Variants in CNDP2 observed in about 807,000 individuals in gnomAD.
CNDP2 encodes the protein carnosine dipeptidase 2.
CNDP2 carries 38 observed loss-of-function variants against 55.0 expected under a neutral mutation model. The observed-to-expected ratio is 0.69, with a 90% CI of 0.53 to 0.90. The LOEUF is 0.90. Ranked by LOEUF, CNDP2 falls within the 40% of genes least tolerant of loss-of-function variation. CNDP2 has a pLI of 0.00. For synonymous variants in CNDP2, 241 were observed against 260.2 expected (o/e 0.93, Z 0.71); for missense variants, 607 against 621.7 (o/e 0.98, Z 0.25).
intron 3 of CNDP2, 49 bp from the exon 4 acceptor site, chr18:74,505,800 A>G (rs565382727): frequency 2.5e-6 from 4 of 1,608,170 alleles, no homozygotes; most frequent in African/African-American, 1.3e-5. Flanking sequence ...TTAAGCACTG[A>G]ATTTCTTAAA....
chr18:74,502,685 C>A (rs1347624350), intron 3 of CNDP2, among the ~76,000 whole-genome samples: 1 of 152,056 alleles, frequency 6.6e-6, no homozygotes, highest in Non-Finnish European at 1.5e-5. Context: ...TTGTAATATT[C>A]TTTTATATTC....
chr18:74,512,076 C>T lies in CNDP2; in HGVS notation c.658-372C>T, dbSNP rs535092399. On this transcript the variant is annotated intron_variant, in intron 6 of 11. Coordinates refer to ENST00000324262, the MANE Select transcript of CNDP2 (RefSeq NM_018235.3). ...CTCAGTGCAAGGGCGAGGTCCGACC[C>T]CAGGTCTCCAGCTCCAGGCTTGTGG... is the stretch of plus-strand genomic sequence containing the variant. 9.3e-4 allele frequency: 182 copies of T among 196,514 alleles called. 2 individuals are homozygous for T. In the South Asian group the frequency reaches 0.017, roughly 18 times the overall value. The allele number at this position is 196,514 out of a possible 1,614,324, so 12.2% of individuals were successfully genotyped here.
chr18:74,516,247 G>A lies in CNDP2; in HGVS notation c.923G>A (p.Arg308Gln), dbSNP rs1351554282. Residue 308 changes from arginine (R) to glutamine (Q), a missense_variant, in exon 9 of 12, where the codon CGA (arginine) becomes CAA (glutamine). By Grantham distance (43) the Arg-to-Gln change is conservative. Coordinates refer to ENST00000324262, the MANE Select transcript of CNDP2 (RefSeq NM_018235.3). ...CTGCAGAAAGACATCCTCATGCACC[G>A]ATGGCGGTACCCGTCTCTGTCCCTC... ...HSHKKDILMH[R>Q]WRYPSLSLHG... is the part of the protein sequence containing the mutation. The A allele has an allele frequency of 3.1e-6, 5 of 1,613,486 alleles. No individual in the cohort carries two copies. The South Asian group carries it at 3.3e-5, about 11-fold the overall frequency.
At chr18:74,510,514 G>T (rs971383388) in intron 5 of CNDP2, among the ~76,000 whole-genome samples, 3 of 152,206 alleles carry the variant, frequency 2.0e-5, no homozygotes, top group Admixed American at 1.3e-4. Context: ...GACTCACGTG[G>T]TGTTCCTCGT....
chr18:74,501,113 A>T lies in CNDP2; in HGVS notation c.61-216A>T, dbSNP rs939564376. ...TTGTTTTTAAACAGGTACTGAGTGT[A>T]AAACAATATGAGAGGGTCTCTCTCT... On this transcript the variant is annotated intron_variant, in intron 2 of 11. Coordinates refer to ENST00000324262, the MANE Select transcript of CNDP2 (RefSeq NM_018235.3). The T allele has an allele frequency of 3.7e-6, 4 of 1,083,248 alleles. No individual in the cohort carries two copies. The African/African-American group carries it at 6.5e-5, about 18-fold the overall frequency. The allele number at this position is 1,083,248 out of a possible 1,614,324, so 67.1% of individuals were successfully genotyped here.
chr18:74,521,134 C>T lies in CNDP2; in HGVS notation c.*1066C>T, dbSNP rs1299691286. 2 of 152,182 alleles carry T rather than the reference C, an allele frequency of 1.3e-5. No homozygotes were observed. The highest frequency in any genetic ancestry group is 1.9e-4 in the East Asian group (1 of 5,186). The allele number at this position is 152,182 out of a possible 1,614,324, so 9.4% of individuals were successfully genotyped here. A position where few individuals can be genotyped will look rare whatever the true frequency, so the allele number is the denominator to read the frequency against. On this transcript the variant is annotated 3_prime_UTR_variant, in exon 12 of 12. Coordinates refer to ENST00000324262, the MANE Select transcript of CNDP2 (RefSeq NM_018235.3). ...ACATGACACCTCTAAAAGAATCGCT[C>T]CATCTCAGTTGCTCGTCGCGTGCAC...
rs57980674 is a variant in CNDP2 at position 74,504,194 on chromosome 18, A to G, written c.205-1655A>G. 4.7e-3 allele frequency among the ~76,000 whole-genome samples: 455 copies of G among 97,814 alleles called. 1 individual carries two copies. The highest frequency in any genetic ancestry group is 6.8e-3 in the Middle Eastern group (1 of 146). 64.2% of individuals were successfully genotyped at this position (97,814 alleles called of 152,430 possible). ...ACACTGCACACGCAGCCACACTGCC[A>G]CTGGGACAAATGAGGGGCGTCAGGC... On this transcript the variant is annotated intron_variant, in intron 3 of 11. Coordinates refer to ENST00000324262, the MANE Select transcript of CNDP2 (RefSeq NM_018235.3).
At chr18:74,497,753 C>T (rs1978488319) in intron 1 of CNDP2, 2 of 152,122 alleles carry the variant, frequency 1.3e-5, no homozygotes, top group Admixed American at 1.3e-4. Flanking sequence ...GCAATGCACT[C>T]CTGCCTGGGT....
chr18:74,515,476 G>A (rs1355485756), intron 8 of CNDP2, among the ~76,000 whole-genome samples: 1 of 152,164 alleles, frequency 6.6e-6, no homozygotes, highest in Non-Finnish European at 1.5e-5. Context: ...TGTGTACAGT[G>A]TTTTAGGGCC....
rs188022830 is a variant in CNDP2 at position 74,505,004 on chromosome 18, G to A, written c.205-845G>A. ...GCCTGTCCCATTCTCCATTCCTATGGGATTGTGGAATATTGGTAGTGCTTC... is the reference window on the plus strand; with the variant it reads ...GCCTGTCCCATTCTCCATTCCTATGAGATTGTGGAATATTGGTAGTGCTTC... On this transcript the variant is annotated intron_variant, in intron 3 of 11. Transcript: ENST00000324262. 13 of 152,262 alleles carry A rather than the reference G, an allele frequency of 8.5e-5. No homozygotes were observed. The East Asian group carries it at 2.5e-3, about 29-fold the overall frequency. 9.4% of individuals were successfully genotyped at this position (152,262 alleles called of 1,614,324 possible). A position where few individuals can be genotyped will look rare whatever the true frequency, so the allele number is the denominator to read the frequency against.
At chr18:74,511,184 G>A (rs1381094966) in intron 6 of CNDP2, 171 bp downstream of exon 6, 2 of 602,720 alleles carry the variant, frequency 3.3e-6, no homozygotes, top group East Asian at 2.8e-5. Flanking sequence ...ACACCAGGGT[G>A]GACAGCAACA....
In CNDP2 at chr18:74,518,534, A is replaced by G. The variant is rs1174543046; in HGVS notation, c.1104A>G (p.Leu368=). Residue 368 remains leucine (L), a synonymous_variant, in exon 10 of 12, where the codon CTA becomes CTG. Transcript: ENST00000324262. ...ACCTAACTAAGAAGTTTGCTGAACT[A>G]CGCAGCCCCAATGAGTTCAAGGTGT... The part of the protein sequence containing the change: ...TSYLTKKFAE[L]RSPNEFKVYM... 5 of 1,614,092 alleles carry G rather than the reference A, an allele frequency of 3.1e-6. No individual in the cohort carries two copies. Among genetic ancestry groups the G allele is most frequent in the Admixed American group, 3.3e-5 (2 of 60,004 alleles).
chr18:74,520,216 C>G lies in CNDP2; in HGVS notation c.*148C>G. The G allele has an allele frequency of 4.2e-6, 3 of 719,970 alleles. No individual in the cohort carries two copies. Among genetic ancestry groups the G allele is most frequent in the Non-Finnish European group, 4.7e-6 (2 of 429,604 alleles). The allele number at this position is 719,970 out of a possible 1,614,324, so 44.6% of individuals were successfully genotyped here. A position where few individuals can be genotyped will look rare whatever the true frequency, so the allele number is the denominator to read the frequency against. Reference sequence around the variant, plus strand: ...CTTTAGAGAACAGACACAAGTGTATCCAGCTGTCCACGGGTGGAGCTACCC... The same window carrying G: ...CTTTAGAGAACAGACACAAGTGTATGCAGCTGTCCACGGGTGGAGCTACCC... On this transcript the variant is annotated 3_prime_UTR_variant, in exon 12 of 12. Coordinates refer to ENST00000324262, the MANE Select transcript of CNDP2 (RefSeq NM_018235.3).
At chr18:74,508,077 G>A (rs1387474882) in intron 4 of CNDP2, 2 of 152,324 alleles carry the variant, frequency 1.3e-5, no homozygotes, top group Admixed American at 6.5e-5. Context: ...AGCAGGCTGA[G>A]CCCCGGGAGG....
intron 3 of CNDP2, among the ~76,000 whole-genome samples, chr18:74,503,811 G>C (rs12956216): frequency 8.7e-3 from 862 of 98,928 alleles, no homozygotes; most frequent in Middle Eastern, 0.036. Flanking sequence ...CGCAGCCACA[G>C]TGCCGCTGGG....
In CNDP2 at chr18:74,510,925, A is replaced by G. The variant is rs374633647; in HGVS notation, c.569A>G (p.Tyr190Cys). ...GACACATTCTTTAAGGATGTGGACT[A>G]TGTCTGCATTTCTGACAATTACTGG... ...RKDTFFKDVD[Y>C]VCISDNYWLG... Residue 190 changes from tyrosine (Y) to cysteine (C), a missense_variant, in exon 6 of 12, where the codon TAT becomes TGT. By Grantham distance (194) the Tyr-to-Cys change is radical. Coordinates refer to ENST00000324262, the MANE Select transcript of CNDP2 (RefSeq NM_018235.3). The G allele has an allele frequency of 9.5e-5, 153 of 1,614,046 alleles. No homozygotes were observed. Among genetic ancestry groups the G allele is most frequent in the East Asian group, 2.0e-4 (9 of 44,892 alleles).
At chr18:74,500,116 A>G (rs1327422738) in intron 2 of CNDP2, 83 bp downstream of exon 2, 2 of 1,132,410 alleles carry the variant, frequency 1.8e-6, no homozygotes, top group Non-Finnish European at 2.6e-6. Context: ...GCTAATATGA[A>G]TTATGCCATT....
Position 74,518,414 on chromosome 18 carries a change from A to G in CNDP2, c.1069-85A>G, listed in dbSNP as rs1276534117. ...CCGATTGTAAGCTCGCTGTAGACCC[A>G]TGATAGCAGACCCGTAGGTCACTAG... On this transcript the variant is annotated intron_variant, in intron 9 of 11. Transcript: ENST00000324262. 3.3e-5 allele frequency: 50 copies of G among 1,532,962 alleles called. No individual in the cohort carries two copies. The South Asian group carries it at 4.8e-4, about 15-fold the overall frequency. 95.0% of individuals were successfully genotyped at this position (1,532,962 alleles called of 1,614,324 possible). A position where few individuals can be genotyped will look rare whatever the true frequency, so the allele number is the denominator to read the frequency against.
At chr18:74,505,598 CAAAAAAA>C (rs369659489) in intron 3 of CNDP2, among the ~76,000 whole-genome samples, 11 of 123,188 alleles carry the variant, frequency 8.9e-5, no homozygotes, top group Non-Finnish European at 1.9e-4. Context: ...GATTCTGTCT[CAAAAAAA>C]AAAAAAAAAA....
Sources: allele counts gnomAD v4.1 joint callset (sites outside exome capture counted in the v4.1 genomes callset), GRCh38; gene constraint gnomAD v4.1.1; transcripts MANE v1.5; gene names NCBI Gene and HGNC (gene_info 2026-07-23, HGNC 2026-07-21).